PCDH11X: variants seen among roughly 807,000 people sequenced by gnomAD.
PCDH11X encodes protocadherin 11 X-linked.
In PCDH11X, 18 loss-of-function variants were observed where a neutral mutation model predicts 53.3. The ratio of observed to expected loss-of-function variants is 0.34; its 90% CI spans 0.23 to 0.50. The LOEUF (loss-of-function observed/expected upper bound fraction) is 0.50, where lower values mean the gene tolerates loss of function less well. PCDH11X is among the 20% of genes least tolerant of loss of function. PCDH11X has a pLI of 0.98. For synonymous variants in PCDH11X, 279 were observed against 393.3 expected (o/e 0.71, Z 3.44); for missense variants, 570 against 1,032.4 (o/e 0.55, Z 6.14).
intron 8 of PCDH11X, among the ~76,000 whole-genome samples, chrX:92,368,796 A>G (rs2070536748): frequency 9.1e-6 from 1 of 109,468 alleles, no homozygotes; most frequent in Non-Finnish European, 1.9e-5. Flanking sequence ...GGTCCACTCC[A>G]GACCCTGTTC....
chrX:92,262,444 T>A (rs1166797228), intron 7 of PCDH11X, among the ~76,000 whole-genome samples: 1 of 111,490 alleles, frequency 9.0e-6, no homozygotes, highest in Non-Finnish European at 1.9e-5. Context: ...TCTATATGCT[T>A]CTGGTATCTT....
chrX:92,245,630 G>A (rs1401697709), intron 7 of PCDH11X, among the ~76,000 whole-genome samples: 1 of 112,004 alleles, frequency 8.9e-6, no homozygotes, highest in East Asian at 2.8e-4. Flanking sequence ...CCTGGTGAAT[G>A]AATGAGTGGG....
intron 10 of PCDH11X, among the ~76,000 whole-genome samples, chrX:92,571,088 AG>A (rs1373879101): frequency 8.9e-6 from 1 of 112,063 alleles, no homozygotes. Context: ...GCTAACTGAA[AG>A]GTTTTTGTAA....
chrX:92,161,642 G>A (rs1185667465), intron 6 of PCDH11X, among the ~76,000 whole-genome samples: 2 of 106,288 alleles, frequency 1.9e-5, no homozygotes, highest in African/African-American at 3.5e-5. Context: ...TTCTTCCTCA[G>A]GAATGCCAAT....
intron 4 of PCDH11X, among the ~76,000 whole-genome samples, chrX:91,812,716 C>A (rs1158064569): frequency 1.8e-5 from 2 of 111,111 alleles, no homozygotes; most frequent in African/African-American, 6.5e-5. Context: ...ACCTCTCAAT[C>A]ATCCCTTTTC....
At chrX:92,237,691 C>T (rs755616879) in intron 7 of PCDH11X, among the ~76,000 whole-genome samples, 2 of 111,482 alleles carry the variant, frequency 1.8e-5, no homozygotes, top group East Asian at 5.7e-4. Flanking sequence ...ACCCCCTTAT[C>T]TCTCCTTAAC....
intron 10 of PCDH11X, among the ~76,000 whole-genome samples, chrX:92,521,689 T>C (rs1371550487): frequency 9.1e-6 from 1 of 110,260 alleles, no homozygotes; most frequent in East Asian, 2.9e-4. Context: ...ACATGGTATC[T>C]TCTTTCACTC....
intron 8 of PCDH11X, among the ~76,000 whole-genome samples, chrX:92,278,985 A>G (rs2068182873): frequency 9.2e-6 from 1 of 108,903 alleles, no homozygotes; most frequent in Non-Finnish European, 1.9e-5. Flanking sequence ...CTAATTTTGT[A>G]TTTTTAGTAG....
rs748987943 is a variant in PCDH11X, at chrX:92,308,867, A to C, written c.3144+45724A>C. Among the ~76,000 whole-genome samples, 682 of 110,865 alleles carry C rather than the reference A, an allele frequency of 6.2e-3. 3 individuals carry two copies. The highest frequency in any genetic ancestry group is 0.021 in the African/African-American group (647 of 30,546). On this transcript the variant is annotated intron_variant, in intron 8 of 10. Coordinates refer to ENST00000682573, the MANE Select transcript of PCDH11X (RefSeq NM_032968.5). ...TCCAAAGATAATATATAAATTGCTAATAAGCATATTAAGAGATATTCAATA... is the reference window on the plus strand; with the variant it reads ...TCCAAAGATAATATATAAATTGCTACTAAGCATATTAAGAGATATTCAATA...
At chrX:92,564,624 G>C (rs1921239287) in intron 10 of PCDH11X, among the ~76,000 whole-genome samples, 2 of 110,947 alleles carry the variant, frequency 1.8e-5, no homozygotes, top group Non-Finnish European at 3.8e-5. Flanking sequence ...AAATTATAAT[G>C]GATTACATAC....
intron 8 of PCDH11X, among the ~76,000 whole-genome samples, chrX:92,352,874 T>C (rs1438372519): frequency 9.0e-6 from 1 of 110,557 alleles, no homozygotes; most frequent in Admixed American, 9.7e-5. Flanking sequence ...GTCTCCCAGG[T>C]CCTGTAGGAG....
At chrX:91,908,431 TCAA>T (rs752713314) in intron 6 of PCDH11X, among the ~76,000 whole-genome samples, 8 of 111,716 alleles carry the variant, frequency 7.2e-5, no homozygotes, top group African/African-American at 2.3e-4. Context: ...GAAAAATATC[TCAA>T]CATCACTGAT....
At chrX:92,206,469 G>C in intron 7 of PCDH11X, among the ~76,000 whole-genome samples, 1 of 111,479 alleles carries the variant, frequency 9.0e-6, no homozygotes, top group Middle Eastern at 4.6e-3. Context: ...CAACAATTTA[G>C]ATGCCAATTA....
chrX:92,269,638 A>C (rs183679751), intron 8 of PCDH11X, among the ~76,000 whole-genome samples: 223 of 111,361 alleles, frequency 2.0e-3, no homozygotes, highest in African/African-American at 7.1e-3. Context: ...TGAAATATCT[A>C]GCTCTTTAGT....
At chrX:91,960,599 A>G (rs767394476) in intron 6 of PCDH11X, among the ~76,000 whole-genome samples, 1 of 110,289 alleles carries the variant, frequency 9.1e-6, no homozygotes, top group Admixed American at 9.7e-5. Flanking sequence ...TAATTTTTGT[A>G]TTTTTGTAGA....
intron 7 of PCDH11X, among the ~76,000 whole-genome samples, chrX:92,214,594 C>A (rs4893308): frequency 0.053 from 5,959 of 111,607 alleles, 254 homozygotes; most frequent in East Asian, 0.19. Flanking sequence ...TAATCAATTC[C>A]GTTTTTTCCC....
At chrX:92,357,840 A>G (rs2070248001) in intron 8 of PCDH11X, among the ~76,000 whole-genome samples, 1 of 111,484 alleles carries the variant, frequency 9.0e-6, no homozygotes, top group Non-Finnish European at 1.9e-5. Flanking sequence ...GTTTTTTTAT[A>G]CCTAAGAGAA....
chrX:92,513,399 A>C (rs2074199358), intron 10 of PCDH11X, among the ~76,000 whole-genome samples: 1 of 109,948 alleles, frequency 9.1e-6, no homozygotes, highest in South Asian at 3.9e-4. Context: ...TGGAAGTAAA[A>C]GGGGATATGA....
At chrX:92,274,011 G>A (rs1416124374) in intron 8 of PCDH11X, among the ~76,000 whole-genome samples, 1 of 108,118 alleles carries the variant, frequency 9.2e-6, no homozygotes. Context: ...ACAAGAGCAG[G>A]GCATGTATGA....
Sources: gnomAD v4.1 joint callset for allele counts (sites outside exome capture counted in the v4.1 genomes callset) on GRCh38, gnomAD v4.1.1 for gene constraint, MANE v1.5 for transcripts, NCBI Gene and HGNC (gene_info 2026-07-23, HGNC 2026-07-21) for gene names.